The following TP63 variants were observed in gnomAD, a reference collection of about 807,000 sequenced individuals.
The protein encoded by TP63 is tumor protein p63, also known as tumor protein 63.
A neutral mutation model predicts 82.8 loss-of-function variants in TP63; 17 were observed. The observed-to-expected ratio is 0.21, with a 90% CI of 0.14 to 0.31. TP63 has a LOEUF of 0.31. TP63 is among the 10% of genes least tolerant of loss of function. The pLI is 1.00. For missense variants in TP63, 648 were observed against 895.3 expected (o/e 0.72, Z 3.52); for synonymous variants, 330 against 321.7 (o/e 1.03, Z -0.28).
chr3:189,833,692 T>A (rs867623595), intron 4 of TP63, among the ~76,000 whole-genome samples: 1,533 of 139,602 alleles, frequency 0.011, 28 homozygotes, highest in African/African-American at 0.039. Context: ...TTTTTTTTTT[T>A]AAAGAAAACA....
chr3:189,634,862 A>C (rs1183818135), intron 1 of TP63, among the ~76,000 whole-genome samples: 2 of 152,042 alleles, frequency 1.3e-5, no homozygotes, highest in African/African-American at 4.8e-5. Context: ...ACACTTCAGA[A>C]GATACATCCT....
chr3:189,608,174 T>G, the TP63 span, among the ~76,000 whole-genome samples: 1 of 152,176 alleles, frequency 6.6e-6, no homozygotes, highest in Non-Finnish European at 1.5e-5. Context: ...TGTGTGTGCA[T>G]GTATGTGTTG....
chr3:189,843,782 A>C (rs182447828), intron 4 of TP63, among the ~76,000 whole-genome samples: 2 of 152,290 alleles, frequency 1.3e-5, no homozygotes, highest in African/African-American at 4.8e-5. Context: ...AGGAGAAATA[A>C]TTTGCCCAAG....
chr3:189,655,270 A>T (rs1560087832), intron 1 of TP63, among the ~76,000 whole-genome samples: 1 of 152,200 alleles, frequency 6.6e-6, no homozygotes, highest in Non-Finnish European at 1.5e-5. Context: ...AAAAAGCTGG[A>T]CAAATCAATA....
At chr3:189,838,607 A>G (rs1480532943) in intron 4 of TP63, among the ~76,000 whole-genome samples, 2 of 152,116 alleles carry the variant, frequency 1.3e-5, no homozygotes, top group Non-Finnish European at 2.9e-5. Context: ...CCCAGCCAAC[A>G]CAGATGCTTA....
chr3:189,668,927 G>A (rs1714644778), intron 1 of TP63, among the ~76,000 whole-genome samples: 1 of 151,418 alleles, frequency 6.6e-6, no homozygotes, highest in African/African-American at 2.4e-5. Flanking sequence ...AAATCCTTAA[G>A]GAACTCAGAA....
At chr3:189,854,785 G>A (rs568956651) in intron 4 of TP63, among the ~76,000 whole-genome samples, 8 of 152,290 alleles carry the variant, frequency 5.3e-5, no homozygotes, top group African/African-American at 1.7e-4. Flanking sequence ...ATCTATAGGG[G>A]AACATCGTTT....
intron 1 of TP63, among the ~76,000 whole-genome samples, chr3:189,693,105 T>C (rs1451628558): frequency 6.6e-6 from 1 of 152,158 alleles, no homozygotes; most frequent in Non-Finnish European, 1.5e-5. Context: ...ATATCTTATC[T>C]CAAGCATCTA....
At chr3:189,686,312 A>T (rs1716434186) in intron 1 of TP63, among the ~76,000 whole-genome samples, 1 of 152,166 alleles carries the variant, frequency 6.6e-6, no homozygotes, top group Admixed American at 6.6e-5. Flanking sequence ...CTTCATACTG[A>T]AGCTGGCAAT....
At chr3:189,881,655 G>C (rs553757175) in intron 10 of TP63, among the ~76,000 whole-genome samples, 1 of 152,006 alleles carries the variant, frequency 6.6e-6, no homozygotes, top group South Asian at 2.1e-4. Context: ...GTCAGTATTT[G>C]GTATTTTTAT....
chr3:189,838,873 G>A (rs1244939277), intron 4 of TP63, among the ~76,000 whole-genome samples: 1 of 151,934 alleles, frequency 6.6e-6, no homozygotes, highest in Middle Eastern at 3.4e-3. Context: ...AAGAAACTCA[G>A]CAATTTGCCT....
At chr3:189,795,664 T>C (rs1282805029) in intron 3 of TP63, among the ~76,000 whole-genome samples, 3 of 152,060 alleles carry the variant, frequency 2.0e-5, no homozygotes, top group Non-Finnish European at 4.4e-5. Context: ...TTACTATTTA[T>C]GTCAAAATGG....
chr3:189,855,070 C>T (rs1449176684), intron 4 of TP63, among the ~76,000 whole-genome samples: 1 of 152,130 alleles, frequency 6.6e-6, no homozygotes, highest in African/African-American at 2.4e-5. Flanking sequence ...ATTTAAGAAG[C>T]TTTCCCAAAA....
chr3:189,824,165 G>A (rs940712908), intron 4 of TP63, among the ~76,000 whole-genome samples: 4 of 152,054 alleles, frequency 2.6e-5, no homozygotes, highest in East Asian at 1.9e-4. Flanking sequence ...ATGGCTGGCC[G>A]TGGGAGCCCA....
chr3:189,842,434 C>T (rs572678446), intron 4 of TP63, among the ~76,000 whole-genome samples: 36 of 152,266 alleles, frequency 2.4e-4, no homozygotes, highest in African/African-American at 7.5e-4. Flanking sequence ...CTCTGGGTCT[C>T]TCATTTATCG....
At chr3:189,691,001 A>C (rs1359275311) in intron 1 of TP63, among the ~76,000 whole-genome samples, 1 of 152,146 alleles carries the variant, frequency 6.6e-6, no homozygotes, top group Admixed American at 6.6e-5. Context: ...AATTATTCAC[A>C]GTATATTTAA....
chr3:189,810,234 T>A (rs1727386747), intron 4 of TP63, among the ~76,000 whole-genome samples: 1 of 152,208 alleles, frequency 6.6e-6, no homozygotes, highest in Non-Finnish European at 1.5e-5. Flanking sequence ...TTCAAATAGT[T>A]GGTTGATTGA....
chr3:189,812,258 C>T lies in TP63; in HGVS notation c.579+3732C>T, dbSNP rs535835182. On this transcript the variant is annotated intron_variant, in intron 4 of 13. Coordinates refer to ENST00000264731, the MANE Select transcript of TP63 (RefSeq NM_003722.5). Reference sequence around the variant, plus strand: ...CTTTGCGTTTCTGTGTTTTAAATAACAAATGTGATTATGTTTCCAGTTCTA... The same window carrying T: ...CTTTGCGTTTCTGTGTTTTAAATAATAAATGTGATTATGTTTCCAGTTCTA... Among the ~76,000 whole-genome samples, 26 of 152,202 alleles carry T rather than the reference C, an allele frequency of 1.7e-4. No homozygotes were observed. The South Asian group carries it at 5.4e-3, about 32-fold the overall frequency.
At chr3:189,682,554 ATATATATATAT>A (rs1312613061) in intron 1 of TP63, among the ~76,000 whole-genome samples, 25 of 7,784 alleles carry the variant, frequency 3.2e-3, no homozygotes, top group African/African-American at 9.6e-3. Flanking sequence ...AAAAAAAAAA[ATATATATATAT>A]ATATATATAT....
Sources: allele counts gnomAD v4.1 joint callset (sites outside exome capture counted in the v4.1 genomes callset), GRCh38; gene constraint gnomAD v4.1.1; transcripts MANE v1.5; gene names NCBI Gene and HGNC (gene_info 2026-07-23, HGNC 2026-07-21).